Variants in VTA1 observed in about 807,000 individuals in gnomAD.
VTA1 encodes vesicle trafficking 1.
VTA1 carries 24 observed loss-of-function variants against 36.9 expected under a neutral mutation model. The ratio of observed to expected loss-of-function variants is 0.65; its 90% CI spans 0.47 to 0.91. The LOEUF (loss-of-function observed/expected upper bound fraction) is 0.91, where lower values mean the gene tolerates loss of function less well. Ranked by LOEUF, VTA1 falls within the 40% of genes least tolerant of loss-of-function variation. VTA1 has a pLI of 0.00. For missense variants in VTA1, 393 were observed against 377.2 expected, an observed-to-expected ratio of 1.04 and a Z score of -0.35; for synonymous variants, 142 against 130.2, an observed-to-expected ratio of 1.09 and a Z score of -0.62.
At chr6:142,169,465 T>G in intron 2 of VTA1, 85 bp from the exon 3 acceptor site, 1 of 1,384,282 alleles carries the variant, frequency 7.2e-7, no homozygotes, top group Non-Finnish European at 9.8e-7. Flanking sequence ...ATAATTTACT[T>G]AAAATGATTA....
chr6:142,166,595 T>C lies in VTA1; in HGVS notation c.207+273T>C, dbSNP rs563987434. 3.3e-5 allele frequency among the ~76,000 whole-genome samples: 5 copies of C among 152,218 alleles called. No homozygotes were observed. In the East Asian group the frequency reaches 9.6e-4, roughly 29 times the overall value. On this transcript the variant is annotated intron_variant, in intron 2 of 7. Transcript: ENST00000367630. ...ATAGATGGCCTTTGGCTCCTCCTTT[T>C]ATAGGTGAAAAACCCCTCCTTTTTT...
chr6:142,194,474 C>G (rs985981258), intron 5 of VTA1, among the ~76,000 whole-genome samples: 1 of 152,006 alleles, frequency 6.6e-6, no homozygotes, highest in African/African-American at 2.4e-5. Flanking sequence ...GTTTTTACCT[C>G]TTTTGTTAAA....
intron 2 of VTA1, among the ~76,000 whole-genome samples, chr6:142,168,873 TCTC>T (rs1383887586): frequency 1.3e-5 from 2 of 151,508 alleles, no homozygotes; most frequent in African/African-American, 4.8e-5. Flanking sequence ...TTCATGCCAT[TCTC>T]CTGCCTCAGC....
rs79937845 is a variant in VTA1, at chr6:142,212,007, T to C, written c.779-6491T>C. ...ATTAGAATGGCCAAAATCCACAACA[T>C]TGACAGCACCAAATGCTGGTGACGA... On this transcript the variant is annotated intron_variant, in intron 7 of 7. Coordinates refer to ENST00000367630, the MANE Select transcript of VTA1 (RefSeq NM_016485.5). Among the ~76,000 whole-genome samples, 1,479 of 152,216 alleles carry C rather than the reference T, an allele frequency of 9.7e-3. 33 individuals are homozygous for C. Among genetic ancestry groups the C allele is most frequent in the African/African-American group, 0.034 (1,403 of 41,528 alleles).
At chr6:142,211,976 A>G (rs1317330320) in intron 7 of VTA1, among the ~76,000 whole-genome samples, 1 of 152,220 alleles carries the variant, frequency 6.6e-6, no homozygotes, top group Non-Finnish European at 1.5e-5. Context: ...ATACCACTAC[A>G]CACCTATTAG....
intron 7 of VTA1, among the ~76,000 whole-genome samples, chr6:142,217,112 C>G (rs1442017059): frequency 6.6e-6 from 1 of 152,116 alleles, no homozygotes; most frequent in East Asian, 1.9e-4. Flanking sequence ...CAACAAATGC[C>G]AAGTCAGTAA....
chr6:142,172,083 T>C (rs997424339), intron 4 of VTA1, among the ~76,000 whole-genome samples: 7 of 152,160 alleles, frequency 4.6e-5, no homozygotes, highest in African/African-American at 1.7e-4. Flanking sequence ...CAATCTTGGC[T>C]CACTGCAACC....
At chr6:142,192,306 A>G (rs1775469794) in intron 5 of VTA1, among the ~76,000 whole-genome samples, 1 of 152,042 alleles carries the variant, frequency 6.6e-6, no homozygotes, top group Non-Finnish European at 1.5e-5. Flanking sequence ...TGCTCTGAGC[A>G]TGTTTCATGT....
At chr6:142,151,443 C>T (rs1778566363) in intron 1 of VTA1, among the ~76,000 whole-genome samples, 1 of 152,064 alleles carries the variant, frequency 6.6e-6, no homozygotes, top group African/African-American at 2.4e-5. Flanking sequence ...AAACCAAGAA[C>T]AAAGGAGAAA....
chr6:142,161,282 G>C (rs1774803433), intron 1 of VTA1, among the ~76,000 whole-genome samples: 1 of 152,004 alleles, frequency 6.6e-6, no homozygotes, highest in African/African-American at 2.4e-5. Context: ...AATAAAATTT[G>C]CTTTTGTGTA....
In VTA1 at chr6:142,201,986, A is replaced by G. The variant is rs188141187; in HGVS notation, c.698-1999A>G. On this transcript the variant is annotated intron_variant, in intron 6 of 7. Transcript: ENST00000367630. ...TAGGCAGAAATGCAAATTACTTAGC[A>G]ATGAATGACATTGATCTATAGATTG... is the stretch of plus-strand genomic sequence containing the variant. Among the ~76,000 whole-genome samples, 213 of 152,082 alleles carry G rather than the reference A, an allele frequency of 1.4e-3. 2 individuals carry two copies. Among genetic ancestry groups the G allele is most frequent in the African/African-American group, 4.7e-3 (197 of 41,566 alleles).
At chr6:142,181,641 T>G in intron 4 of VTA1, among the ~76,000 whole-genome samples, 2 of 152,020 alleles carry the variant, frequency 1.3e-5, no homozygotes, top group South Asian at 4.2e-4. Context: ...AACATTGGTT[T>G]CTTTTCTTAC....
At chr6:142,157,421 C>T (rs1778682028) in intron 1 of VTA1, among the ~76,000 whole-genome samples, 1 of 152,134 alleles carries the variant, frequency 6.6e-6, no homozygotes. Context: ...TGTTGGACTA[C>T]TGATTTATCC....
At chr6:142,169,701 T>A (rs1774992965) in intron 3 of VTA1, 24 bp downstream of exon 3, 2 of 1,507,456 alleles carry the variant, frequency 1.3e-6, no homozygotes, top group African/African-American at 1.4e-5. Context: ...AAAATAAAAA[T>A]TATTTTATTA....
intron 5 of VTA1, among the ~76,000 whole-genome samples, chr6:142,197,720 T>C (rs2114672631): frequency 6.6e-6 from 1 of 152,180 alleles, no homozygotes; most frequent in Middle Eastern, 3.4e-3. Flanking sequence ...ATAGCATAAA[T>C]GTGGCATGTT....
At position 142,178,603 on chromosome 6, in the gene VTA1, A is replaced by T. The variant is rs181379317; in HGVS notation, c.411+8182A>T. On this transcript the variant is annotated intron_variant, in intron 4 of 7. Transcript: ENST00000367630. The stretch of plus-strand genomic sequence containing the variant: ...TTTTAATTTCTTTAAAAGATACATG[A>T]CTATATTTGTAAAAATTATTTTAAC... 2.0e-5 allele frequency among the ~76,000 whole-genome samples: 3 copies of T among 152,240 alleles called. No individual in the cohort carries two copies. In the East Asian group the frequency reaches 5.8e-4, roughly 29 times the overall value.
chr6:142,181,473 A>ATATATG (rs1491432773), intron 4 of VTA1, among the ~76,000 whole-genome samples: 33 of 141,666 alleles, frequency 2.3e-4, no homozygotes, highest in African/African-American at 7.9e-4. Context: ...ATATATATAT[A>ATATATG]TGTATATGTA....
At chr6:142,196,596 T>G (rs970270477) in intron 5 of VTA1, among the ~76,000 whole-genome samples, 1 of 152,128 alleles carries the variant, frequency 6.6e-6, no homozygotes, top group African/African-American at 2.4e-5. Context: ...TTCCCCCCTC[T>G]GGTTAGTTTT....
intron 4 of VTA1, among the ~76,000 whole-genome samples, chr6:142,177,709 T>C (rs1775152740): frequency 6.6e-6 from 1 of 152,192 alleles, no homozygotes; most frequent in African/African-American, 2.4e-5. Context: ...TAGTCCATTC[T>C]AAGTACTAAA....
Sources: allele counts gnomAD v4.1 joint callset (sites outside exome capture counted in the v4.1 genomes callset), GRCh38; gene constraint gnomAD v4.1.1; transcripts MANE v1.5; gene names NCBI Gene and HGNC (gene_info 2026-07-23, HGNC 2026-07-21).